Variants in MS4A4A observed in about 807,000 individuals in gnomAD.
MS4A4A encodes membrane-spanning 4-domains subfamily A member 4A.
MS4A4A carries 26 observed loss-of-function variants against 28.0 expected under a neutral mutation model. The observed-to-expected ratio is 0.93, with a 90% CI of 0.68 to 1.29. The LOEUF (loss-of-function observed/expected upper bound fraction) is 1.29. Among genes scored for constraint, MS4A4A ranks in the 50% most tolerant of loss-of-function variants. The pLI is 0.00. For synonymous variants in MS4A4A, 86 were observed against 100.8 expected (o/e 0.85, Z 0.88); for missense variants, 290 against 293.1 (o/e 0.99, Z 0.08).
chr11:60,282,558 T>A, intron 1 of MS4A4A: 1 of 1,277,450 alleles, frequency 7.8e-7, no homozygotes. Flanking sequence ...GTGAGAAGAT[T>A]AGATGATGTG....
rs1269609893 is a variant in MS4A4A, at chr11:60,306,182, T to C, written c.629T>C (p.Leu210Pro). 3 of 1,613,750 alleles carry C rather than the reference T, an allele frequency of 1.9e-6. No individual in the cohort carries two copies. In the Admixed American group the frequency reaches 5.0e-5, roughly 27 times the overall value. ...CTCTCTGCCTTTGGATGTAAAGTGC[T>C]CTGTTGTACCCCTGGTGGGGTGAGT... ...VSLSAFGCKV[L>P]CCTPGGVVLI... Residue 210 changes from leucine (L) to proline (P), a missense_variant, in exon 6 of 7, where the codon CTC becomes CCC. Coordinates refer to ENST00000337908, the MANE Select transcript of MS4A4A (RefSeq NM_148975.3).
chr11:60,292,171 T>C (rs1430495981), intron 1 of MS4A4A, 54 bp from the exon 2 acceptor site: 9 of 1,483,430 alleles, frequency 6.1e-6, no homozygotes, highest in Non-Finnish European at 8.0e-6. Context: ...CAAAGTGTCA[T>C]GTCCTCTTTT....
At chr11:60,283,136 A>ATT (rs2084770980) in intron 1 of MS4A4A, among the ~76,000 whole-genome samples, 1 of 152,230 alleles carries the variant, frequency 6.6e-6, no homozygotes, top group Admixed American at 6.5e-5. Context: ...TGTGTTGCCC[A>ATT]GGCTGGAGTA....
At chr11:60,292,435 A>G (rs369137284) in intron 2 of MS4A4A, 51 bp downstream of exon 2, 10 of 1,509,572 alleles carry the variant, frequency 6.6e-6, no homozygotes, top group Admixed American at 4.3e-5. Flanking sequence ...CTCATATTTC[A>G]TAAGACCTAA....
At chr11:60,295,823 T>C (rs1046548950) in intron 2 of MS4A4A, among the ~76,000 whole-genome samples, 3 of 152,178 alleles carry the variant, frequency 2.0e-5, no homozygotes, top group African/African-American at 4.8e-5. Flanking sequence ...CAGTCTTGCA[T>C]ACCTGGGATA....
chr11:60,282,775 G>T, intron 1 of MS4A4A: 4 of 1,214,690 alleles, frequency 3.3e-6, no homozygotes, highest in Non-Finnish European at 4.2e-6. Context: ...AAGTAGCCGA[G>T]CTTTTGTTAT....
At chr11:60,287,451 C>T (rs774520228) in intron 1 of MS4A4A, among the ~76,000 whole-genome samples, 1 of 152,196 alleles carries the variant, frequency 6.6e-6, no homozygotes, top group Non-Finnish European at 1.5e-5. Context: ...AGGTAGAGGT[C>T]TCCTGATGTA....
intron 6 of MS4A4A, among the ~76,000 whole-genome samples, chr11:60,307,359 T>C (rs2085012581): frequency 6.6e-6 from 1 of 152,214 alleles, no homozygotes; most frequent in Non-Finnish European, 1.5e-5. Flanking sequence ...TAGTGGGTTT[T>C]TGCATTGTAA....
In MS4A4A at chr11:60,300,615, C is replaced by CAAAA. The variant is rs760648433; in HGVS notation, c.331-361_331-358dup. ...TGGGCGACAGAGCGAGACTCCGTCT[C>CAAAA]AAAAAAAAAAAAAAAAAAAAAAAAA... On this transcript the variant is annotated intron_variant, in intron 3 of 6. Coordinates refer to ENST00000337908, the MANE Select transcript of MS4A4A (RefSeq NM_148975.3). Among the ~76,000 whole-genome samples, 26 of 36,020 alleles carry CAAAA rather than the reference C, an allele frequency of 7.2e-4. 1 individual carries two copies. Among genetic ancestry groups the CAAAA allele is most frequent in the African/African-American group, 1.8e-3 (17 of 9,548 alleles). The allele number at this position is 36,020 out of a possible 152,430, so 23.6% of individuals were successfully genotyped here.
chr11:60,280,841 T>A (rs904816775), intron 1 of MS4A4A, 125 bp downstream of exon 1: 3 of 1,178,616 alleles, frequency 2.5e-6, no homozygotes, highest in Non-Finnish European at 3.6e-6. Flanking sequence ...CAAGCTGGTA[T>A]TCAGGGTTGG....
intron 2 of MS4A4A, 190 bp from the exon 3 acceptor site, chr11:60,297,007 G>C (rs1041392390): frequency 3.1e-6 from 2 of 653,760 alleles, no homozygotes; most frequent in South Asian, 3.9e-5. Flanking sequence ...GATAGACGTC[G>C]CGAGAGATAA....
Position 60,302,624 on chromosome 11 carries a change from C to T in MS4A4A, c.453C>T (p.Asn151=), listed in dbSNP as rs1187485700. 6.2e-7 allele frequency: 1 copy of T among 1,613,992 alleles called. No homozygotes were observed. The highest frequency in any genetic ancestry group is 1.3e-5 in the African/African-American group (1 of 74,914). Reference sequence around the variant, plus strand: ...TGGCTGCATCAGGGATCTTAATCAACACATTTAGCTTGGCGTTTTATTCAT... The same window carrying T: ...TGGCTGCATCAGGGATCTTAATCAATACATTTAGCTTGGCGTTTTATTCAT... The part of the protein sequence containing the change: ...SVLAASGILI[N]TFSLAFYSFH... Residue 151 remains asparagine, a synonymous_variant, in exon 5 of 7, where the codon AAC becomes AAT. Transcript: ENST00000337908.
At chr11:60,304,445 C>A (rs1047602221) in intron 5 of MS4A4A, among the ~76,000 whole-genome samples, 1 of 152,178 alleles carries the variant, frequency 6.6e-6, no homozygotes. Flanking sequence ...ATCACCTTTC[C>A]CAGAGTCCAT....
intron 2 of MS4A4A, 107 bp from the exon 3 acceptor site, chr11:60,297,090 A>G (rs1162359387): frequency 7.5e-7 from 1 of 1,336,022 alleles, no homozygotes; most frequent in East Asian, 2.3e-5. Context: ...AGGTCATATG[A>G]CTATCAAATG....
chr11:60,299,721 A>G (rs2135027419), intron 3 of MS4A4A, among the ~76,000 whole-genome samples: 1 of 152,240 alleles, frequency 6.6e-6, no homozygotes, highest in East Asian at 1.9e-4. Flanking sequence ...TCAGCCTCCC[A>G]AAGTGCTGGG....
intron 2 of MS4A4A, among the ~76,000 whole-genome samples, chr11:60,292,684 T>C (rs767752193): frequency 1.2e-4 from 19 of 152,184 alleles, no homozygotes; most frequent in Admixed American, 3.3e-4. Flanking sequence ...ACCTATGCAC[T>C]ACTAGCTGAC....
chr11:60,283,252 A>T (rs2084772447), intron 1 of MS4A4A, among the ~76,000 whole-genome samples: 1 of 152,118 alleles, frequency 6.6e-6, no homozygotes, highest in Non-Finnish European at 1.5e-5. Context: ...TTTTGTGTAG[A>T]GATGGGGTTT....
chr11:60,304,299 G>T (rs956993874), intron 5 of MS4A4A, among the ~76,000 whole-genome samples: 2 of 152,216 alleles, frequency 1.3e-5, no homozygotes, highest in Admixed American at 6.5e-5. Context: ...CATGGGACCT[G>T]TGCAGTTACT....
chr11:60,304,309 T>C (rs1255495707), intron 5 of MS4A4A, among the ~76,000 whole-genome samples: 2 of 152,224 alleles, frequency 1.3e-5, no homozygotes, highest in Non-Finnish European at 2.9e-5. Flanking sequence ...GTGCAGTTAC[T>C]CAGGACTTCA....
Sources: allele counts gnomAD v4.1 joint callset (sites outside exome capture counted in the v4.1 genomes callset), GRCh38; gene constraint gnomAD v4.1.1; transcripts MANE v1.5; gene names NCBI Gene and HGNC (gene_info 2026-07-23, HGNC 2026-07-21).